C1QTNF7: variants seen among roughly 807,000 people sequenced by gnomAD.
C1QTNF7 encodes the protein C1q and TNF related 7.
A neutral mutation model predicts 19.6 loss-of-function variants in C1QTNF7; 15 were observed. The observed-to-expected ratio is 0.76, with a 90% CI of 0.51 to 1.18. The LOEUF (loss-of-function observed/expected upper bound fraction) is 1.18. Ranked by LOEUF, C1QTNF7 falls within the 50% of genes most tolerant of loss-of-function variation. The pLI, the probability that C1QTNF7 is intolerant of heterozygous loss-of-function variation, is 0.00. For missense variants in C1QTNF7, 324 were observed against 359.7 expected (o/e 0.90, Z 0.80); for synonymous variants, 142 against 137.5 (o/e 1.03, Z -0.23).
chr4:15,344,998 G>C (rs901427824), intron 1 of C1QTNF7, among the ~76,000 whole-genome samples: 5 of 152,212 alleles, frequency 3.3e-5, no homozygotes, highest in African/African-American at 1.2e-4. Context: ...TAGGTGGTAA[G>C]CTTTTAGAGA....
intron 1 of C1QTNF7, among the ~76,000 whole-genome samples, chr4:15,407,948 A>G (rs1047745613): frequency 6.6e-6 from 1 of 152,120 alleles, no homozygotes; most frequent in Non-Finnish European, 1.5e-5. Flanking sequence ...AAACAAAACA[A>G]AGAATGTATA....
At chr4:15,425,467 G>A (rs998379119), upstream of C1QTNF7, among the ~76,000 whole-genome samples, 7 of 152,136 alleles carry the variant, frequency 4.6e-5, no homozygotes, top group African/African-American at 1.7e-4. Context: ...TGCAGCTACT[G>A]GAGATGATAT....
In C1QTNF7 at chr4:15,346,549, C is replaced by G. The variant is rs529022592; in HGVS notation, c.13+6342C>G. Among the ~76,000 whole-genome samples, 27 of 152,292 alleles carry G rather than the reference C, an allele frequency of 1.8e-4. No homozygotes were observed. In the South Asian group the frequency reaches 4.8e-3, roughly 27 times the overall value. The stretch of plus-strand genomic sequence containing the variant: ...GCTAACATGCCCCAAACAGCTTACT[C>G]TCTTAAATTGGTAATTTTTTCCATT... On this transcript the variant is annotated intron_variant, in intron 1 of 2. Transcript: ENST00000295297.
intron 1 of C1QTNF7, among the ~76,000 whole-genome samples, chr4:15,408,810 C>T (rs924986131): frequency 1.3e-5 from 2 of 152,148 alleles, no homozygotes; most frequent in African/African-American, 2.4e-5. Context: ...CCCTGTGTTA[C>T]GGACTCCCTG....
chr4:15,405,297 A>C (rs1290360709), intron 1 of C1QTNF7, among the ~76,000 whole-genome samples: 1 of 152,144 alleles, frequency 6.6e-6, no homozygotes, highest in African/African-American at 2.4e-5. Context: ...AGGCAAGCAG[A>C]GTAGGACACA....
At chr4:15,399,203 G>A (rs1718898288) in intron 1 of C1QTNF7, among the ~76,000 whole-genome samples, 1 of 152,096 alleles carries the variant, frequency 6.6e-6, no homozygotes, top group Non-Finnish European at 1.5e-5. Flanking sequence ...TCTATCTATT[G>A]GGAAACTGCC....
At chr4:15,419,500 T>C (rs1711637615) in intron 1 of C1QTNF7, among the ~76,000 whole-genome samples, 1 of 152,156 alleles carries the variant, frequency 6.6e-6, no homozygotes, top group Non-Finnish European at 1.5e-5. Flanking sequence ...TAGGTACTAT[T>C]ACAAATCTTT....
At chr4:15,357,078 T>A (rs1717172678) in intron 1 of C1QTNF7, among the ~76,000 whole-genome samples, 1 of 152,172 alleles carries the variant, frequency 6.6e-6, no homozygotes, top group African/African-American at 2.4e-5. Context: ...TTTCTTTTGC[T>A]GTGCAGAAGC....
rs577427049 is a variant in C1QTNF7, at chr4:15,368,710, T to C, written c.13+28503T>C. Among the ~76,000 whole-genome samples the C allele has an allele frequency of 6.6e-5, 10 of 152,366 alleles. No homozygotes were observed. In the East Asian group the frequency reaches 1.9e-3, roughly 29 times the overall value. ...TATAATTGATGGGCATTTGGGTAGG[T>C]TCCAAGTCTTTGCTATTGTGAATAG... On this transcript the variant is annotated intron_variant, in intron 1 of 2. Coordinates refer to the C1QTNF7 transcript ENST00000295297.
intron 1 of C1QTNF7, among the ~76,000 whole-genome samples, chr4:15,397,152 G>A (rs979226218): frequency 3.9e-5 from 6 of 152,140 alleles, no homozygotes; most frequent in Admixed American, 6.6e-5. Context: ...AACCGCCCCC[G>A]TGATTCCACC....
intron 1 of C1QTNF7, among the ~76,000 whole-genome samples, chr4:15,387,093 G>A (rs757237449): frequency 1.3e-5 from 2 of 152,168 alleles, no homozygotes; most frequent in Non-Finnish European, 2.9e-5. Flanking sequence ...GACACTTGAG[G>A]TGATGTTTAT....
At chr4:15,396,436 T>A (rs147537195) in intron 1 of C1QTNF7, among the ~76,000 whole-genome samples, 131 of 152,276 alleles carry the variant, frequency 8.6e-4, no homozygotes, top group Middle Eastern at 3.4e-3. Flanking sequence ...TTGTGCACTA[T>A]CTTTTCTCAG....
chr4:15,349,738 A>G (rs1481994156), intron 1 of C1QTNF7, among the ~76,000 whole-genome samples: 1 of 152,142 alleles, frequency 6.6e-6, no homozygotes, highest in African/African-American at 2.4e-5. Context: ...CCTTGGAACC[A>G]ATGTTTTTCC....
chr4:15,371,391 A>G (rs1717717088), intron 1 of C1QTNF7, among the ~76,000 whole-genome samples: 1 of 152,162 alleles, frequency 6.6e-6, no homozygotes, highest in Non-Finnish European at 1.5e-5. Context: ...CCTTTCTTCT[A>G]CTATTTATTT....
At chr4:15,346,462 T>C (rs1560336153) in intron 1 of C1QTNF7, among the ~76,000 whole-genome samples, 1 of 152,226 alleles carries the variant, frequency 6.6e-6, no homozygotes, top group African/African-American at 2.4e-5. Context: ...CATCCTACCA[T>C]ATATACTATG....
chr4:15,436,699 C>A (rs1406013808), intron 2 of C1QTNF7, among the ~76,000 whole-genome samples: 1 of 152,172 alleles, frequency 6.6e-6, no homozygotes. Flanking sequence ...GGGAAGCTTG[C>A]CAGATTCTGC....
At chr4:15,346,257 G>A (rs1716715236) in intron 1 of C1QTNF7, among the ~76,000 whole-genome samples, 1 of 152,174 alleles carries the variant, frequency 6.6e-6, no homozygotes, top group Non-Finnish European at 1.5e-5. Context: ...TTAGAAGACA[G>A]CTCAAACTTC....
At chr4:15,400,446 A>T (rs1365211982) in intron 1 of C1QTNF7, among the ~76,000 whole-genome samples, 1 of 152,240 alleles carries the variant, frequency 6.6e-6, no homozygotes. Context: ...GAGAAACAGA[A>T]AAGGATTAAG....
At chr4:15,391,626 T>C (rs1718560899) in intron 1 of C1QTNF7, among the ~76,000 whole-genome samples, 1 of 152,046 alleles carries the variant, frequency 6.6e-6, no homozygotes, top group African/African-American at 2.4e-5. Context: ...CAGTGCCCTA[T>C]CTCCAAAGGG....
Sources: gnomAD v4.1 joint callset for allele counts (sites outside exome capture counted in the v4.1 genomes callset) on GRCh38, gnomAD v4.1.1 for gene constraint, MANE v1.5 for transcripts, NCBI Gene and HGNC (gene_info 2026-07-23, HGNC 2026-07-21) for gene names.